SNX2: variants seen among roughly 807,000 people sequenced by gnomAD.
SNX2 encodes the protein sorting nexin-2.
Under a neutral mutation model 69.9 loss-of-function variants are expected in SNX2, and 25 were observed. The ratio of observed to expected loss-of-function variants is 0.36; its 90% CI spans 0.26 to 0.50. The LOEUF is 0.50. SNX2 is among the 20% of genes least tolerant of loss of function. SNX2 has a pLI of 0.97. For synonymous variants in SNX2, 229 were observed against 200.4 expected (o/e 1.14, Z -1.20); for missense variants, 551 against 613.3 (o/e 0.90, Z 1.07).
chr5:122,803,543 C>T lies in SNX2; in HGVS notation c.573C>T (p.His191=), dbSNP rs1305533043. The change falls in exon 6 of 15, where the codon CAC becomes CAT. Residue 191 remains histidine (H), a synonymous_variant. Transcript: ENST00000379516. ...KRRFSDFLGL[H]SKLASKYLHV... is the part of the protein sequence containing the mutation. The stretch of plus-strand genomic sequence containing the variant: ...GATTCAGCGACTTTCTTGGTTTGCA[C>T]AGCAAATTAGCAAGCAAATATTTAC... The T allele has an allele frequency of 1.9e-6, 3 of 1,612,536 alleles. No individual in the cohort carries two copies. The highest frequency in any genetic ancestry group is 2.2e-5 in the South Asian group (2 of 90,716).
At chr5:122,782,428 A>G (rs1752998513) in intron 1 of SNX2, among the ~76,000 whole-genome samples, 1 of 151,718 alleles carries the variant, frequency 6.6e-6, no homozygotes. Context: ...TAGTAGAGAC[A>G]AGGTTTCACC....
At chr5:122,793,652 A>G (rs1456742767) in intron 1 of SNX2, among the ~76,000 whole-genome samples, 24 of 152,322 alleles carry the variant, frequency 1.6e-4, no homozygotes, top group African/African-American at 5.0e-4. Flanking sequence ...GCTCACGCCT[A>G]TAATCCCAGC....
chr5:122,824,354 G>A lies in SNX2; in HGVS notation c.1213-1696G>A, dbSNP rs555557025. ...CAGGGAAGCCAAAGCATTGAACACT[G>A]CTGTTTTAAATGATAGTGACTTTTT... On this transcript the variant is annotated intron_variant, in intron 11 of 14. Transcript: ENST00000379516. Among the ~76,000 whole-genome samples the A allele has an allele frequency of 3.6e-4, 55 of 152,124 alleles. No individual in the cohort carries two copies. The South Asian group carries it at 0.011, about 31-fold the overall frequency.
intron 7 of SNX2, 121 bp from the exon 8 acceptor site, chr5:122,815,775 G>A: frequency 2.1e-6 from 1 of 471,310 alleles, no homozygotes; most frequent in Non-Finnish European, 3.8e-6. Context: ...TACAGTGAGA[G>A]TAGTCTAATA....
At chr5:122,804,412 CT>C (rs1371632607) in intron 6 of SNX2, among the ~76,000 whole-genome samples, 2 of 147,690 alleles carry the variant, frequency 1.4e-5, no homozygotes, top group Non-Finnish European at 3.0e-5. Context: ...GTCATCCAGG[CT>C]GGAGTGCAGT....
chr5:122,816,876 T>TA, intron 8 of SNX2, 39 bp from the exon 9 acceptor site: 1 of 1,293,556 alleles, frequency 7.7e-7, no homozygotes, highest in Non-Finnish European at 1.1e-6. Context: ...TCCAGGCTTT[T>TA]AACCGGTTTG....
chr5:122,780,542 A>G (rs1752954810), intron 1 of SNX2, among the ~76,000 whole-genome samples: 1 of 151,626 alleles, frequency 6.6e-6, no homozygotes, highest in African/African-American at 2.4e-5. Context: ...AGGTAATAAA[A>G]GTATATATAA....
intron 7 of SNX2, 63 bp from the exon 8 acceptor site, chr5:122,815,833 C>T (rs563923773): frequency 2.4e-6 from 2 of 835,180 alleles, no homozygotes; most frequent in South Asian, 1.9e-5. Flanking sequence ...ATTTTTTTAT[C>T]ATTTTGTTGA....
intron 1 of SNX2, among the ~76,000 whole-genome samples, chr5:122,782,558 TGGA>T (rs766389218): frequency 2.6e-4 from 39 of 150,258 alleles, no homozygotes; most frequent in South Asian, 1.9e-3. Flanking sequence ...TTATTTGAGA[TGGA>T]GTCTCACTCT....
chr5:122,824,567 G>C (rs1754111389), intron 11 of SNX2, among the ~76,000 whole-genome samples: 1 of 152,264 alleles, frequency 6.6e-6, no homozygotes, highest in Admixed American at 6.5e-5. Flanking sequence ...CATAGATAAG[G>C]TGCTTTGACT....
At chr5:122,824,791 A>G (rs529478357) in intron 11 of SNX2, among the ~76,000 whole-genome samples, 2 of 152,342 alleles carry the variant, frequency 1.3e-5, no homozygotes, top group South Asian at 4.1e-4. Flanking sequence ...TAGAAAGCTT[A>G]ACAGTTAACT....
At chr5:122,787,353 C>G (rs1581625314) in intron 1 of SNX2, among the ~76,000 whole-genome samples, 1 of 152,100 alleles carries the variant, frequency 6.6e-6, no homozygotes, top group East Asian at 1.9e-4. Flanking sequence ...AGCCCTGTCT[C>G]TACAAAAAAT....
chr5:122,777,659 C>T (rs1210619113), intron 1 of SNX2, among the ~76,000 whole-genome samples: 1 of 152,160 alleles, frequency 6.6e-6, no homozygotes, highest in Non-Finnish European at 1.5e-5. Flanking sequence ...AATGCCTATG[C>T]ATTACTATAT....
chr5:122,790,814 G>C (rs1581627600), intron 1 of SNX2, among the ~76,000 whole-genome samples: 1 of 152,300 alleles, frequency 6.6e-6, no homozygotes, highest in East Asian at 1.9e-4. Flanking sequence ...ACCAAGAAAA[G>C]CAGTTGTTCC....
intron 1 of SNX2, among the ~76,000 whole-genome samples, chr5:122,792,793 A>C (rs1052439702): frequency 6.6e-6 from 1 of 152,220 alleles, no homozygotes; most frequent in East Asian, 1.9e-4. Context: ...GCAAATCAAT[A>C]GGAACAATAG....
At chr5:122,783,018 C>T (rs952470153) in intron 1 of SNX2, among the ~76,000 whole-genome samples, 1 of 151,796 alleles carries the variant, frequency 6.6e-6, no homozygotes, top group Non-Finnish European at 1.5e-5. Context: ...CTCACTGCAA[C>T]CTCCACCTCC....
intron 7 of SNX2, among the ~76,000 whole-genome samples, chr5:122,810,397 AT>A (rs372181979): frequency 0.028 from 3,667 of 130,990 alleles, 105 homozygotes; most frequent in African/African-American, 0.047. Flanking sequence ...AGAATGATCA[AT>A]TAAAAAAAAA....
intron 1 of SNX2, among the ~76,000 whole-genome samples, chr5:122,785,546 G>A (rs1018091064): frequency 1.1e-4 from 17 of 152,092 alleles, no homozygotes; most frequent in Middle Eastern, 3.4e-3. Flanking sequence ...CTCTAAGCAT[G>A]ACTTTGGCTG....
In SNX2 at chr5:122,803,535, G is replaced by A; in HGVS notation, c.565G>A (p.Gly189Ser). 1.2e-6 allele frequency: 2 copies of A among 1,612,618 alleles called. No individual in the cohort carries two copies. The highest frequency in any genetic ancestry group is 1.7e-6 in the Non-Finnish European group (2 of 1,179,452). Residue 189 changes from glycine (G) to serine (S), a missense_variant, in exon 6 of 15, where the codon GGT (glycine) becomes AGT (serine). By Grantham distance (56) the Gly-to-Ser change is moderately conservative. Around this residue, in one of 2 missense-constraint regions of SNX2, gnomAD observed 360 missense variants for 450.4 expected, o/e 0.80. Transcript: ENST00000379516. ...SVKRRFSDFL[G>S]LHSKLASKYL... is the part of the protein sequence containing the mutation. ...GAAAAGAAGATTCAGCGACTTTCTTGGTTTGCACAGCAAATTAGCAAGCAA... is the reference window on the plus strand; with the variant it reads ...GAAAAGAAGATTCAGCGACTTTCTTAGTTTGCACAGCAAATTAGCAAGCAA...
Sources: gnomAD v4.1 joint callset for allele counts (sites outside exome capture counted in the v4.1 genomes callset) on GRCh38, gnomAD v4.1.1 for gene constraint, gnomAD v4.1.1 regional missense constraint, MANE v1.5 for transcripts, NCBI Gene and HGNC (gene_info 2026-07-23, HGNC 2026-07-21) for gene names.